ZBTB7C: variants seen among roughly 807,000 people sequenced by gnomAD.
ZBTB7C encodes the protein zinc finger and BTB domain containing 7C, also known as zinc finger and BTB domain-containing protein 7C.
ZBTB7C carries 8 observed loss-of-function variants against 25.7 expected under a neutral mutation model. The ratio of observed to expected loss-of-function variants is 0.31; its 90% CI spans 0.18 to 0.56. The LOEUF (loss-of-function observed/expected upper bound fraction) is 0.56, where lower values mean the gene tolerates loss of function less well. ZBTB7C is among the 20% of genes least tolerant of loss of function. ZBTB7C has a pLI of 0.91. For missense variants in ZBTB7C, 824 were observed against 855.2 expected (o/e 0.96, Z 0.46); for synonymous variants, 394 against 369.0 (o/e 1.07, Z -0.78).
intron 3 of ZBTB7C, among the ~76,000 whole-genome samples, chr18:48,044,940 T>C (rs2036410058): frequency 6.6e-6 from 1 of 152,216 alleles, no homozygotes; most frequent in Admixed American, 6.5e-5. Context: ...ACACAGAGGA[T>C]GAGTGAGGGC....
intron 2 of ZBTB7C, among the ~76,000 whole-genome samples, chr18:48,260,207 A>G (rs892984942): frequency 1.3e-5 from 2 of 152,182 alleles, no homozygotes. Context: ...ATTAATCTCA[A>G]AATAACTATG....
chr18:48,094,038 G>T (rs561767558), intron 3 of ZBTB7C, among the ~76,000 whole-genome samples: 1 of 152,148 alleles, frequency 6.6e-6, no homozygotes, highest in Non-Finnish European at 1.5e-5. Context: ...CAGCCTGGGC[G>T]ACAGAGCGAG....
chr18:48,404,604 C>T (rs2048236782), intron 1 of ZBTB7C, among the ~76,000 whole-genome samples: 1 of 152,162 alleles, frequency 6.6e-6, no homozygotes, highest in Non-Finnish European at 1.5e-5. Flanking sequence ...ATGATGCTCC[C>T]AACATCCACT....
Position 48,319,852 on chromosome 18 carries a change from A to G in ZBTB7C, c.-79+18322T>C, listed in dbSNP as rs1302006191. ...ACCAATAAAGAGACTGTCACATGCC[A>G]AATATTGTGGTTAAATACCAATAGT... is the stretch of plus-strand genomic sequence containing the variant. On this transcript the variant is annotated intron_variant, in intron 2 of 4. Transcript: ENST00000590800. 4.6e-5 allele frequency among the ~76,000 whole-genome samples: 7 copies of G among 152,192 alleles called. No homozygotes were observed. In the East Asian group the frequency reaches 7.7e-4, roughly 17 times the overall value.
chr18:48,052,300 C>G (rs898491998), intron 3 of ZBTB7C, among the ~76,000 whole-genome samples: 2 of 152,216 alleles, frequency 1.3e-5, no homozygotes, highest in African/African-American at 2.4e-5. Context: ...GGGCCATCTC[C>G]TCTAGTAGAG....
At chr18:48,340,631 C>T (rs2046577696) in intron 1 of ZBTB7C, among the ~76,000 whole-genome samples, 1 of 151,102 alleles carries the variant, frequency 6.6e-6, no homozygotes, top group Non-Finnish European at 1.5e-5. Flanking sequence ...CAAACAGCTA[C>T]AGCACATTCA....
At chr18:48,071,598 T>C (rs528116039) in intron 3 of ZBTB7C, among the ~76,000 whole-genome samples, 20 of 152,308 alleles carry the variant, frequency 1.3e-4, no homozygotes, top group African/African-American at 4.6e-4. Context: ...CTCAAAAAAT[T>C]AGACATGGAA....
chr18:48,372,763 A>G (rs1463931973), intron 1 of ZBTB7C, among the ~76,000 whole-genome samples: 1 of 152,042 alleles, frequency 6.6e-6, no homozygotes, highest in Non-Finnish European at 1.5e-5. Context: ...CCCTGTCAAT[A>G]ATCATGATTC....
At chr18:48,380,709 T>C (rs895295870) in intron 1 of ZBTB7C, among the ~76,000 whole-genome samples, 1 of 152,118 alleles carries the variant, frequency 6.6e-6, no homozygotes, top group African/African-American at 2.4e-5. Context: ...GATGGGATCC[T>C]GAAACAAGAA....
intron 2 of ZBTB7C, among the ~76,000 whole-genome samples, chr18:48,292,628 G>A (rs2045266060): frequency 6.6e-6 from 1 of 152,162 alleles, no homozygotes; most frequent in Non-Finnish European, 1.5e-5. Flanking sequence ...CAGGGACCTG[G>A]GGTGGAGAAG....
At chr18:48,389,753 C>T (rs574233088) in intron 1 of ZBTB7C, among the ~76,000 whole-genome samples, 3 of 152,292 alleles carry the variant, frequency 2.0e-5, no homozygotes, top group South Asian at 4.1e-4. Context: ...GAAAGGAGAA[C>T]GCTCAGAGGA....
intron 2 of ZBTB7C, among the ~76,000 whole-genome samples, chr18:48,192,194 G>A (rs780197998): frequency 2.0e-5 from 3 of 152,196 alleles, no homozygotes; most frequent in Non-Finnish European, 4.4e-5. Flanking sequence ...GAAAGCAGGT[G>A]AAAGAAGGCA....
At chr18:48,356,667 A>C (rs1415586708) in intron 1 of ZBTB7C, among the ~76,000 whole-genome samples, 1 of 152,178 alleles carries the variant, frequency 6.6e-6, no homozygotes, top group Non-Finnish European at 1.5e-5. Context: ...GCCACTCTGG[A>C]CTTACAGAAT....
At chr18:48,365,765 G>A (rs545951836) in intron 1 of ZBTB7C, among the ~76,000 whole-genome samples, 18 of 152,178 alleles carry the variant, frequency 1.2e-4, no homozygotes, top group African/African-American at 1.9e-4. Context: ...GTGGCAATTC[G>A]TTAGGCAGCC....
At chr18:48,090,349 C>T (rs1034263975) in intron 3 of ZBTB7C, among the ~76,000 whole-genome samples, 4 of 152,198 alleles carry the variant, frequency 2.6e-5, no homozygotes, top group South Asian at 2.1e-4. Context: ...GGGTTCCAAT[C>T]GCTATCAAAG....
At chr18:48,357,918 T>G (rs1023751021) in intron 1 of ZBTB7C, among the ~76,000 whole-genome samples, 1 of 152,182 alleles carries the variant, frequency 6.6e-6, no homozygotes, top group African/African-American at 2.4e-5. Flanking sequence ...TGTTGACATG[T>G]AATCCCCAGC....
intron 1 of ZBTB7C, among the ~76,000 whole-genome samples, chr18:48,353,221 A>G (rs2046902980): frequency 6.6e-6 from 1 of 152,230 alleles, no homozygotes; most frequent in Non-Finnish European, 1.5e-5. Flanking sequence ...AGATAGTTCC[A>G]GCCCAGAATC....
chr18:48,236,980 G>A (rs1220694421), intron 2 of ZBTB7C, among the ~76,000 whole-genome samples: 1 of 152,178 alleles, frequency 6.6e-6, no homozygotes, highest in Non-Finnish European at 1.5e-5. Flanking sequence ...TGAGAAATGG[G>A]AGGGGAAAGG....
intron 3 of ZBTB7C, among the ~76,000 whole-genome samples, chr18:48,145,718 G>T (rs1369985091): frequency 6.6e-6 from 1 of 152,182 alleles, no homozygotes; most frequent in Admixed American, 6.5e-5. Flanking sequence ...AATAAAAGGT[G>T]AAATAGATGG....
Sources: gnomAD v4.1 joint callset for allele counts (sites outside exome capture counted in the v4.1 genomes callset) on GRCh38, gnomAD v4.1.1 for gene constraint, MANE v1.5 for transcripts, NCBI Gene and HGNC (gene_info 2026-07-23, HGNC 2026-07-21) for gene names.